GLRX5: variants seen among roughly 807,000 people sequenced by gnomAD.
GLRX5 encodes glutaredoxin 5.
A neutral mutation model predicts 13.8 loss-of-function variants in GLRX5; 10 were observed. The ratio of observed to expected loss-of-function variants is 0.72; its 90% CI spans 0.45 to 1.23. GLRX5 has a LOEUF of 1.23. Among genes scored for constraint, GLRX5 ranks in the 50% most tolerant of loss-of-function variants. The pLI is 0.00. For synonymous variants in GLRX5, 98 were observed against 101.1 expected, an observed-to-expected ratio of 0.97 and a Z score of 0.18; for missense variants, 233 against 215.2, an observed-to-expected ratio of 1.08 and a Z score of -0.52.
In GLRX5 at chr14:95,544,000, G is replaced by A. The variant is rs745744944; in HGVS notation, c.349G>A (p.Glu117Lys). 6.2e-6 allele frequency: 10 copies of A among 1,613,978 alleles called. No individual in the cohort carries two copies. Among genetic ancestry groups the A allele is most frequent in the East Asian group, 2.2e-5 (1 of 44,902 alleles). Reference protein sequence around the residue: ...PTIPQVYLNGEFVGGCDILLQ... With the variant: ...PTIPQVYLNGKFVGGCDILLQ... ...CATCCCGCAAGTGTACCTCAATGGC[G>A]AGTTTGTAGGGGGCTGTGACATTCT... Residue 117 changes from glutamate (E) to lysine (K), a missense_variant, in exon 2 of 2, where the codon GAG (glutamate) becomes AAG (lysine). Coordinates refer to ENST00000331334, the MANE Select transcript of GLRX5 (RefSeq NM_016417.3).
chr14:95,543,738 G>A (rs1891511465), intron 1 of GLRX5: 1 of 584,908 alleles, frequency 1.7e-6, no homozygotes, highest in East Asian at 2.9e-5. Flanking sequence ...AGGGCTGACG[G>A]TTTGTAATTG....
At chr14:95,536,486 C>A (rs1163758936) in intron 1 of GLRX5, among the ~76,000 whole-genome samples, 2 of 152,162 alleles carry the variant, frequency 1.3e-5, no homozygotes, top group Non-Finnish European at 2.9e-5. Flanking sequence ...ACTCTAAATT[C>A]GAAATTACTA....
rs1004560489 is a variant in GLRX5 at position 95,544,490 on chromosome 14, C to A, written c.*365C>A. ...CAGTCTCCAAAGAGAGTATCTCCCC[C>A]CAAATTTTGTGTAGCTTCTTTTGTT... On this transcript the variant is annotated 3_prime_UTR_variant, in exon 2 of 2. Coordinates refer to ENST00000331334, the MANE Select transcript of GLRX5 (RefSeq NM_016417.3). 1 of 212,408 alleles carries A rather than the reference C, an allele frequency of 4.7e-6. No individual in the cohort carries two copies. Among genetic ancestry groups the A allele is most frequent in the Non-Finnish European group, 9.6e-6 (1 of 104,108 alleles). 13.2% of individuals were successfully genotyped at this position (212,408 alleles called of 1,614,324 possible).
chr14:95,539,894 TATA>T (rs369527216), intron 1 of GLRX5, among the ~76,000 whole-genome samples: 7 of 83,546 alleles, frequency 8.4e-5, no homozygotes, highest in African/African-American at 3.1e-4. Context: ...TATATATATA[TATA>T]TTTTTTTTTT....
intron 1 of GLRX5, among the ~76,000 whole-genome samples, chr14:95,542,182 T>C (rs1595283924): frequency 6.6e-6 from 1 of 152,270 alleles, no homozygotes; most frequent in East Asian, 1.9e-4. Flanking sequence ...CAAATTATGC[T>C]AGTTGTTTTT....
At position 95,535,312 on chromosome 14, in the gene GLRX5, C is replaced by T. The variant is rs1891346143; in HGVS notation, c.223C>T (p.Gln75Ter). Residue 75 changes from glutamine (Q) to a stop codon, truncating the protein, a stop_gained, in exon 1 of 2, where the codon CAG becomes TAG. Transcript: ENST00000331334. LOFTEE classifies it high-confidence loss of function. The stretch of plus-strand genomic sequence containing the variant: ...GTGCGGCTTCAGCAACGCCGTGGTG[C>T]AGATCCTGCGGCTGCACGGCGTCCG... ...PQCGFSNAVV[Q>*]ILRLHGVRDY... 1.3e-6 allele frequency: 2 copies of T among 1,558,252 alleles called. No homozygotes were observed. Among genetic ancestry groups the T allele is most frequent in the Non-Finnish European group, 1.7e-6 (2 of 1,151,406 alleles).
At position 95,535,216 on chromosome 14, in the gene GLRX5, G is replaced by T; in HGVS notation, c.127G>T (p.Glu43Ter). 2 of 1,543,200 alleles carry T rather than the reference G, an allele frequency of 1.3e-6. No homozygotes were observed. The highest frequency in any genetic ancestry group is 1.7e-6 in the Non-Finnish European group (2 of 1,146,366). The part of the protein sequence containing the change: ...GSGAGGGGSA[E>*]QLDALVKKDK... ...GGGCGCGGGCGGCGGCGGCTCGGCG[G>T]AGCAGTTGGACGCGCTGGTGAAGAA... Residue 43 changes from glutamate (E) to a stop codon, truncating the protein, a stop_gained, in exon 1 of 2, where the codon GAG becomes TAG. Coordinates refer to ENST00000331334, the MANE Select transcript of GLRX5 (RefSeq NM_016417.3). LOFTEE classifies it high-confidence loss of function.
At chr14:95,543,411 A>C (rs10484052) in intron 1 of GLRX5, 1 of 323,060 alleles carries the variant, frequency 3.1e-6, no homozygotes, top group Admixed American at 4.1e-5. Context: ...CAACTTAGAC[A>C]GTCACAGTCA....
chr14:95,535,220 A>T lies in GLRX5; in HGVS notation c.131A>T (p.Gln44Leu). 1 of 1,547,666 alleles carries T rather than the reference A, an allele frequency of 6.5e-7. No individual in the cohort carries two copies. Among genetic ancestry groups the T allele is most frequent in the Non-Finnish European group, 8.7e-7 (1 of 1,148,706 alleles). The change falls in exon 1 of 2, where the codon CAG (glutamine) becomes CTG (leucine). Residue 44 changes from glutamine (Q) to leucine (L), a missense_variant. By Grantham distance (113) the Gln-to-Leu change is moderately radical. Coordinates refer to ENST00000331334, the MANE Select transcript of GLRX5 (RefSeq NM_016417.3). The part of the protein sequence containing the change: ...SGAGGGGSAE[Q>L]LDALVKKDKV... ...GCGGGCGGCGGCGGCTCGGCGGAGC[A>T]GTTGGACGCGCTGGTGAAGAAGGAC...
chr14:95,543,841 G>A (rs1891513411), intron 1 of GLRX5, 106 bp from the exon 2 acceptor site: 4 of 946,198 alleles, frequency 4.2e-6, no homozygotes, highest in African/African-American at 1.6e-5. Context: ...GGAAGCCAGG[G>A]AGGGACAGTG....
intron 1 of GLRX5, among the ~76,000 whole-genome samples, chr14:95,542,086 A>C (rs1057263934): frequency 6.6e-6 from 1 of 152,226 alleles, no homozygotes; most frequent in African/African-American, 2.4e-5. Flanking sequence ...TAAAGGTAAA[A>C]GTTTTGTAAT....
intron 1 of GLRX5, among the ~76,000 whole-genome samples, chr14:95,538,498 A>G (rs535723331): frequency 6.6e-6 from 1 of 152,340 alleles, no homozygotes; most frequent in South Asian, 2.1e-4. Context: ...ATGCTGGTGA[A>G]CCTTAAAAGT....
rs1435052328 is a variant in GLRX5, at chr14:95,544,700, A to G, written c.*575A>G. On this transcript the variant is annotated 3_prime_UTR_variant, in exon 2 of 2. Transcript: ENST00000331334. ...GGGTGAGTCTCATATTCTTCTATTA[A>G]ATTTGCCACAAGAATTGCCGTCGAG... 1.3e-5 allele frequency: 2 copies of G among 153,758 alleles called. No individual in the cohort carries two copies. The highest frequency in any genetic ancestry group is 4.8e-5 in the African/African-American group (2 of 41,432). The allele number at this position is 153,758 out of a possible 1,614,324, so 9.5% of individuals were successfully genotyped here.
At chr14:95,543,051 G>A in intron 1 of GLRX5, 2 of 456,076 alleles carry the variant, frequency 4.4e-6, no homozygotes, top group South Asian at 1.5e-5. Flanking sequence ...TCTCATGTGT[G>A]TCCTCAGAGC....
chr14:95,536,895 A>G lies in GLRX5; in HGVS notation c.295+1511A>G, dbSNP rs111813550. 1.7e-3 allele frequency among the ~76,000 whole-genome samples: 266 copies of G among 152,254 alleles called. 1 individual carries two copies. Among genetic ancestry groups the G allele is most frequent in the African/African-American group, 6.0e-3 (249 of 41,540 alleles). ...AGGGCAGGTTCAAATTACCACGTAT[A>G]TGTAATATTACCATGTGTTATTCTC... On this transcript the variant is annotated intron_variant, in intron 1 of 1. Coordinates refer to ENST00000331334, the MANE Select transcript of GLRX5 (RefSeq NM_016417.3).
chr14:95,535,138 C>T lies in GLRX5; in HGVS notation c.49C>T (p.Arg17Cys). 1 of 1,238,188 alleles carries T rather than the reference C, an allele frequency of 8.1e-7. No individual in the cohort carries two copies. The highest frequency in any genetic ancestry group is 1.6e-5 in the African/African-American group (1 of 62,832). The allele number at this position is 1,238,188 out of a possible 1,614,324, so 76.7% of individuals were successfully genotyped here. ...TGCGGCGGCTCTGCTCCGCTGGGGG[C>T]GCGGCGCGGGCGGCGGTGGCCTTTG... ...RAAAALLRWG[R>C]GAGGGGLWGP... The change falls in exon 1 of 2, where the codon CGC (arginine) becomes TGC (cysteine). Residue 17 changes from arginine to cysteine, a missense_variant. Arg to Cys is a radical substitution (Grantham distance 180). Coordinates refer to ENST00000331334, the MANE Select transcript of GLRX5 (RefSeq NM_016417.3).
In GLRX5 at chr14:95,544,023, T is replaced by C; in HGVS notation, c.372T>C (p.Ile124=). ...LNGEFVGGCD[I]LLQMHQNGDL... is the part of the protein sequence containing the mutation. ...GCGAGTTTGTAGGGGGCTGTGACAT[T>C]CTTCTGCAGATGCACCAGAATGGGG... Residue 124 remains isoleucine (I), a synonymous_variant, in exon 2 of 2, where the codon ATT becomes ATC. Coordinates refer to ENST00000331334, the MANE Select transcript of GLRX5 (RefSeq NM_016417.3). 6.2e-7 allele frequency: 1 copy of C among 1,614,092 alleles called. No individual in the cohort carries two copies. Among genetic ancestry groups the C allele is most frequent in the Non-Finnish European group, 8.5e-7 (1 of 1,179,928 alleles).
At chr14:95,538,561 T>C (rs989333694) in intron 1 of GLRX5, among the ~76,000 whole-genome samples, 1 of 152,152 alleles carries the variant, frequency 6.6e-6, no homozygotes. Flanking sequence ...ATGCTGCAGA[T>C]GGGAGTATAA....
chr14:95,536,791 G>A (rs1431605762), intron 1 of GLRX5, among the ~76,000 whole-genome samples: 1 of 145,620 alleles, frequency 6.9e-6, no homozygotes, highest in Admixed American at 7.0e-5. Context: ...GACTCTTGGG[G>A]ATAACTGATC....
Sources: gnomAD v4.1 joint callset for allele counts (sites outside exome capture counted in the v4.1 genomes callset) on GRCh38, gnomAD v4.1.1 for gene constraint, MANE v1.5 for transcripts, NCBI Gene and HGNC (gene_info 2026-07-23, HGNC 2026-07-21) for gene names.